Variants in DIP2C observed in about 807,000 individuals in gnomAD.
The protein encoded by DIP2C is DIP2 acetate--CoA ligase C (putative).
DIP2C carries 33 observed loss-of-function variants against 192.4 expected under a neutral mutation model. The observed-to-expected ratio is 0.17, with a 90% CI of 0.13 to 0.23. DIP2C has a LOEUF of 0.23. DIP2C is among the 10% of genes least tolerant of loss of function. The pLI, the probability that DIP2C is intolerant of heterozygous loss-of-function variation, is 1.00. For synonymous variants in DIP2C, 979 were observed against 864.1 expected (o/e 1.13, Z -2.33); for missense variants, 1,537 against 2,110.1 (o/e 0.73, Z 5.32).
At chr10:392,805 G>A (rs565171191) in intron 10 of DIP2C, among the ~76,000 whole-genome samples, 11 of 147,816 alleles carry the variant, frequency 7.4e-5, no homozygotes, top group Middle Eastern at 3.4e-3. Context: ...ACGCGGATGC[G>A]CACACTCAGC....
chr10:437,201 A>G (rs570485571), intron 4 of DIP2C, among the ~76,000 whole-genome samples: 20 of 105,242 alleles, frequency 1.9e-4, no homozygotes, highest in East Asian at 3.2e-4. Context: ...AGCTCTCTCC[A>G]AGCTCCACCT....
At chr10:492,898 C>T (rs1014621794) in intron 1 of DIP2C, among the ~76,000 whole-genome samples, 8 of 152,186 alleles carry the variant, frequency 5.3e-5, no homozygotes, top group Admixed American at 2.0e-4. Flanking sequence ...TTCACACCAC[C>T]GCAGTGGTCT....
chr10:501,575 A>G (rs1423371056), intron 1 of DIP2C, among the ~76,000 whole-genome samples: 1 of 152,080 alleles, frequency 6.6e-6, no homozygotes, highest in Non-Finnish European at 1.5e-5. Flanking sequence ...GGGAGGCTTC[A>G]TTTAAAATGA....
chr10:555,924 C>A lies in DIP2C; in HGVS notation c.86-69394G>T, dbSNP rs183551561. Among the ~76,000 whole-genome samples the A allele has an allele frequency of 5.7e-3, 868 of 152,216 alleles. 10 individuals carry two copies. Among genetic ancestry groups the A allele is most frequent in the African/African-American group, 0.02 (827 of 41,508 alleles). ...TGCATGACCTCCACTGTTGCCCGGC[C>A]CTGCAGCAGCAGCCGCTGAGTAGGG... On this transcript the variant is annotated intron_variant, in intron 1 of 36. Coordinates refer to ENST00000280886, the MANE Select transcript of DIP2C (RefSeq NM_014974.3).
intron 31 of DIP2C, among the ~76,000 whole-genome samples, chr10:320,941 T>C (rs1489010363): frequency 6.6e-6 from 1 of 152,030 alleles, no homozygotes; most frequent in Non-Finnish European, 1.5e-5. Context: ...GAAGGCCCCA[T>C]GGAGGGGACC....
intron 1 of DIP2C, among the ~76,000 whole-genome samples, chr10:498,714 C>T (rs1220622324): frequency 2.0e-5 from 3 of 152,154 alleles, no homozygotes; most frequent in Non-Finnish European, 4.4e-5. Context: ...CAACCTCCAT[C>T]CCCAAGTACA....
intron 29 of DIP2C, among the ~76,000 whole-genome samples, chr10:332,304 C>G (rs1357574522): frequency 6.6e-6 from 1 of 152,202 alleles, no homozygotes; most frequent in Non-Finnish European, 1.5e-5. Flanking sequence ...GAATTGTCAG[C>G]ACACAACGGG....
rs34424732 is a variant in DIP2C at position 549,491 on chromosome 10, A to AC, written c.86-62962dup. Among the ~76,000 whole-genome samples the AC allele has an allele frequency of 6.0e-3, 905 of 152,042 alleles. 1 individual carries two copies. Among genetic ancestry groups the AC allele is most frequent in the Middle Eastern group, 0.017 (5 of 294 alleles). On this transcript the variant is annotated intron_variant, in intron 1 of 36. Coordinates refer to ENST00000280886, the MANE Select transcript of DIP2C (RefSeq NM_014974.3). ...GACGAGACCAATGAGCTTCACCAAC[A>AC]CCCCAAAACCACGCAGAAGTGACCC...
chr10:353,956 G>A (rs1345133732), intron 24 of DIP2C, among the ~76,000 whole-genome samples: 1 of 152,232 alleles, frequency 6.6e-6, no homozygotes, highest in African/African-American at 2.4e-5. Flanking sequence ...TTTAGGTGGG[G>A]AAAGACACTA....
At chr10:590,670 A>AT (rs1851346739) in intron 1 of DIP2C, among the ~76,000 whole-genome samples, 1 of 152,232 alleles carries the variant, frequency 6.6e-6, no homozygotes, top group African/African-American at 2.4e-5. Flanking sequence ...ACAACACTAT[A>AT]TCTCTACAAG....
chr10:427,324 G>C (rs1192229420), intron 4 of DIP2C, among the ~76,000 whole-genome samples: 1 of 152,154 alleles, frequency 6.6e-6, no homozygotes, highest in Admixed American at 6.5e-5. Context: ...GGGTCCACCT[G>C]CTTAAACCAG....
At chr10:553,132 A>C (rs1030582154) in intron 1 of DIP2C, among the ~76,000 whole-genome samples, 2 of 152,200 alleles carry the variant, frequency 1.3e-5, no homozygotes, top group South Asian at 4.1e-4. Flanking sequence ...GACCTCCCTA[A>C]GAAGAGCCAG....
chr10:409,382 T>G (rs1459597306), intron 8 of DIP2C, among the ~76,000 whole-genome samples: 4 of 152,124 alleles, frequency 2.6e-5, no homozygotes, highest in Non-Finnish European at 5.9e-5. Flanking sequence ...AATGACACCA[T>G]CAGGGAGCGG....
chr10:284,809 T>C (rs989764459), intron 34 of DIP2C, among the ~76,000 whole-genome samples: 2 of 152,234 alleles, frequency 1.3e-5, no homozygotes, highest in Non-Finnish European at 2.9e-5. Context: ...TGTTTCATAA[T>C]ATGTATATAC....
intron 32 of DIP2C, among the ~76,000 whole-genome samples, chr10:298,654 C>T (rs952977451): frequency 4.6e-5 from 7 of 152,190 alleles, no homozygotes; most frequent in East Asian, 1.9e-4. Context: ...GTCTAATGAC[C>T]GTGGGGCTGC....
At chr10:370,202 C>T (rs1960795915) in intron 17 of DIP2C, among the ~76,000 whole-genome samples, 1 of 152,236 alleles carries the variant, frequency 6.6e-6, no homozygotes, top group Non-Finnish European at 1.5e-5. Context: ...CTAAGGAAAA[C>T]TATTTGGGTG....
chr10:577,724 ACT>A (rs1850257575), intron 1 of DIP2C, among the ~76,000 whole-genome samples: 1 of 152,114 alleles, frequency 6.6e-6, no homozygotes, highest in South Asian at 2.1e-4. Flanking sequence ...AATGATGAAG[ACT>A]CTGAACACCT....
At chr10:429,092 T>C (rs1267633492) in intron 4 of DIP2C, among the ~76,000 whole-genome samples, 2 of 152,140 alleles carry the variant, frequency 1.3e-5, no homozygotes, top group Non-Finnish European at 2.9e-5. Context: ...TCATTCTTGG[T>C]GTCGTACAAT....
intron 17 of DIP2C, among the ~76,000 whole-genome samples, chr10:374,416 T>C (rs930954850): frequency 2.0e-5 from 3 of 152,272 alleles, no homozygotes; most frequent in African/African-American, 7.2e-5. Context: ...GTTGTGGTTA[T>C]ATATTTAATG....
Sources: allele counts gnomAD v4.1 joint callset (sites outside exome capture counted in the v4.1 genomes callset), GRCh38; gene constraint gnomAD v4.1.1; transcripts MANE v1.5; gene names NCBI Gene and HGNC (gene_info 2026-07-23, HGNC 2026-07-21).